PTMS: variants seen among roughly 807,000 people sequenced by gnomAD.
PTMS encodes the protein parathymosin.
In PTMS, 5 loss-of-function variants were observed where a neutral mutation model predicts 18.4. That is an observed-to-expected ratio of 0.27 (90% CI 0.14 to 0.57). The LOEUF (loss-of-function observed/expected upper bound fraction) is 0.57, where lower values mean the gene tolerates loss of function less well. PTMS is among the 20% of genes least tolerant of loss of function. PTMS has a pLI of 0.92. For synonymous variants in PTMS, 53 were observed against 47.7 expected (o/e 1.11, Z -0.46); for missense variants, 93 against 124.6 (o/e 0.75, Z 1.21).
intron 1 of PTMS, among the ~76,000 whole-genome samples, chr12:6,768,448 TGCCCCCCAGG>T (rs1941799327): frequency 6.6e-6 from 1 of 152,126 alleles, no homozygotes; most frequent in Non-Finnish European, 1.5e-5. Flanking sequence ...GGGAATTGAG[TGCCCCCCAGG>T]GCAGCCGTTC....
chr12:6,766,695 GC>G lies in PTMS; in HGVS notation c.-7del, dbSNP rs1565478936. ...CGGCTCCCCGCCAGCCCCGGCCCCGGCCCCGGCACCATGTCGGAGAAAAGCG... is the reference window on the plus strand; with the variant it reads ...CGGCTCCCCGCCAGCCCCGGCCCCGGCCCGGCACCATGTCGGAGAAAAGCG... On this transcript the variant is annotated 5_prime_UTR_variant, in exon 1 of 5. Coordinates refer to ENST00000309083, the MANE Select transcript of PTMS (RefSeq NM_002824.6). The G allele has an allele frequency of 8.0e-6, 9 of 1,127,126 alleles. No individual in the cohort carries two copies. Among genetic ancestry groups the G allele is most frequent in the Admixed American group, 4.2e-5 (1 of 23,816 alleles). The allele number at this position is 1,127,126 out of a possible 1,614,324, so 69.8% of individuals were successfully genotyped here. A position where few individuals can be genotyped will look rare whatever the true frequency, so the allele number is the denominator to read the frequency against.
In PTMS at chr12:6,770,449, G is replaced by A; in HGVS notation, c.*7G>A. ...AAATGGGGCATCGGCGTGAGCCCCT[G>A]CCAACAGGCTGGGGTTGGGAGGCCT... is the stretch of plus-strand genomic sequence containing the variant. On this transcript the variant is annotated 3_prime_UTR_variant, in exon 5 of 5. Transcript: ENST00000309083. The surrounding 1 kb of genome is among the most constrained non-coding windows in gnomAD (Gnocchi z 7.3). 1 of 1,611,998 alleles carries A rather than the reference G, an allele frequency of 6.2e-7. No homozygotes were observed. Among genetic ancestry groups the A allele is most frequent in the Non-Finnish European group, 8.5e-7 (1 of 1,179,216 alleles).
In PTMS at chr12:6,770,494, G is replaced by A; in HGVS notation, c.*52G>A. On this transcript the variant is annotated 3_prime_UTR_variant, in exon 5 of 5. Transcript: ENST00000309083. The surrounding 1 kb of genome is among the most constrained non-coding windows in gnomAD (Gnocchi z 7.3). The stretch of plus-strand genomic sequence containing the variant: ...AGGCCTCTCTGGGCCTGGAGGTGGG[G>A]GTGGGGGCAGCCAAGTCCAGCCACT... 6.3e-7 allele frequency: 1 copy of A among 1,581,700 alleles called. No homozygotes were observed. The highest frequency in any genetic ancestry group is 8.7e-7 in the Non-Finnish European group (1 of 1,151,304).
intron 1 of PTMS, among the ~76,000 whole-genome samples, chr12:6,768,896 T>G (rs1941803372): frequency 6.6e-6 from 1 of 152,108 alleles, no homozygotes; most frequent in African/African-American, 2.4e-5. Flanking sequence ...CTCCTTGTTT[T>G]CTCTTCTACT....
Position 6,766,525 on chromosome 12 carries a change from C to T in PTMS, c.-181C>T. ...CTCCAGACCCACCCCCGCCCCACCC[C>T]GCGCGCCTCTGCCGCCTCTTCCAGA... On this transcript the variant is annotated 5_prime_UTR_variant, in exon 1 of 5. Transcript: ENST00000309083. 3.8e-6 allele frequency: 1 copy of T among 261,994 alleles called. No homozygotes were observed. Among genetic ancestry groups the T allele is most frequent in the Non-Finnish European group, 7.6e-6 (1 of 131,652 alleles). The allele number at this position is 261,994 out of a possible 1,614,324, so 16.2% of individuals were successfully genotyped here.
At chr12:6,769,503 C>A in intron 1 of PTMS, 100 bp from the exon 2 acceptor site, 1 of 1,316,256 alleles carries the variant, frequency 7.6e-7, no homozygotes, top group Non-Finnish European at 1.1e-6. Context: ...ATTCAGTTCA[C>A]ACACCTCTAA....
In PTMS at chr12:6,770,149, C is replaced by T. The variant is rs1181454169; in HGVS notation, c.197-8C>T. The T allele has an allele frequency of 6.2e-7, 1 of 1,613,920 alleles. No individual in the cohort carries two copies. The highest frequency in any genetic ancestry group is 8.5e-7 in the Non-Finnish European group (1 of 1,179,952). On this transcript the variant is annotated splice_polypyrimidine_tract_variant and splice_region_variant and intron_variant, in intron 3 of 4. Transcript: ENST00000309083. This position sits in a 1 kb window ranked among gnomAD's most constrained non-coding sequence, Gnocchi z 7.3. The stretch of plus-strand genomic sequence containing the variant: ...CCCTTCCCCAATGACCCATTTCTGG[C>T]TCCTCAGATGAGGAAGAAGAAGAAG...
In PTMS at chr12:6,770,301, G is replaced by C; in HGVS notation, c.258+83G>C. 6.2e-7 allele frequency: 1 copy of C among 1,609,194 alleles called. No individual in the cohort carries two copies. Among genetic ancestry groups the C allele is most frequent in the South Asian group, 1.1e-5 (1 of 90,970 alleles). ...CCTTTGGATTTGGACCCAGATCCCT[G>C]TGTGGCAGGGGTGGGGGCTGGAACA... On this transcript the variant is annotated intron_variant, in intron 4 of 4. Coordinates refer to ENST00000309083, the MANE Select transcript of PTMS (RefSeq NM_002824.6). This position sits in a 1 kb window ranked among gnomAD's most constrained non-coding sequence, Gnocchi z 7.3.
At position 6,769,660 on chromosome 12, in the gene PTMS, A is replaced by G. The variant is rs1260621973; in HGVS notation, c.103A>G (p.Lys35Glu). 6.2e-7 allele frequency: 1 copy of G among 1,614,072 alleles called. No homozygotes were observed. The highest frequency in any genetic ancestry group is 8.5e-7 in the Non-Finnish European group (1 of 1,179,998). Reference protein sequence around the residue: ...EEKASRKERKKEVVEEEENGA... With the variant: ...EEKASRKERKEEVVEEEENGA... ...GAAGGCAAGCCGGAAAGAGCGAAAGAAAGAAGTGGTGGAGGTGTGGAGGGG... is the reference window on the plus strand; with the variant it reads ...GAAGGCAAGCCGGAAAGAGCGAAAGGAAGAAGTGGTGGAGGTGTGGAGGGG... The change falls in exon 2 of 5, where the codon AAA becomes GAA. Residue 35 changes from lysine to glutamate, a missense_variant. Transcript: ENST00000309083.
Position 6,769,657 on chromosome 12 carries a change from A to G in PTMS, c.100A>G (p.Lys34Glu), listed in dbSNP as rs1475695337. ...VEEKASRKER[K>E]KEVVEEEENG... ...GGAGAAGGCAAGCCGGAAAGAGCGAAAGAAAGAAGTGGTGGAGGTGTGGAG... is the reference window on the plus strand; with the variant it reads ...GGAGAAGGCAAGCCGGAAAGAGCGAGAGAAAGAAGTGGTGGAGGTGTGGAG... Residue 34 changes from lysine (K) to glutamate (E), a missense_variant, in exon 2 of 5, where the codon AAG (lysine) becomes GAG (glutamate). Lys to Glu is a moderately conservative substitution (Grantham distance 56, BLOSUM62 1). Coordinates refer to ENST00000309083, the MANE Select transcript of PTMS (RefSeq NM_002824.6). The G allele has an allele frequency of 2.5e-6, 4 of 1,614,054 alleles. No homozygotes were observed. Among genetic ancestry groups the G allele is most frequent in the Non-Finnish European group, 3.4e-6 (4 of 1,179,984 alleles).
chr12:6,770,575 TC>T lies in PTMS; in HGVS notation c.*137del. ...ACCAGAGCTGCCACCCTCTTCTTTC[TC>T]CCCAGCCTTCTCATTTCCGCCTCTC... On this transcript the variant is annotated 3_prime_UTR_variant, in exon 5 of 5. Coordinates refer to ENST00000309083, the MANE Select transcript of PTMS (RefSeq NM_002824.6). The surrounding 1 kb of genome is among the most constrained non-coding windows in gnomAD (Gnocchi z 7.3). 1 of 1,042,036 alleles carries T rather than the reference TC, an allele frequency of 9.6e-7. No homozygotes were observed. The highest frequency in any genetic ancestry group is 1.4e-6 in the Non-Finnish European group (1 of 694,334). The allele number at this position is 1,042,036 out of a possible 1,614,324, so 64.5% of individuals were successfully genotyped here. A position where few individuals can be genotyped will look rare whatever the true frequency, so the allele number is the denominator to read the frequency against.
rs745767749 is a variant in PTMS at position 6,769,725 on chromosome 12, C to T, written c.117+51C>T. Reference sequence around the variant, plus strand: ...ACATCTGCCCTACCATCTTCCCTCCCAATCATCTCATCCTTCCTCTGCTTT... The same window carrying T: ...ACATCTGCCCTACCATCTTCCCTCCTAATCATCTCATCCTTCCTCTGCTTT... On this transcript the variant is annotated intron_variant, in intron 2 of 4. Transcript: ENST00000309083. 5 of 1,607,418 alleles carry T rather than the reference C, an allele frequency of 3.1e-6. No individual in the cohort carries two copies. In the East Asian group the frequency reaches 8.9e-5, roughly 29 times the overall value.
At position 6,770,752 on chromosome 12, in the gene PTMS, C is replaced by G. The variant is rs1359978817; in HGVS notation, c.*310C>G. The G allele has an allele frequency of 2.1e-6, 1 of 469,376 alleles. No homozygotes were observed. Among genetic ancestry groups the G allele is most frequent in the Non-Finnish European group, 3.9e-6 (1 of 253,994 alleles). The allele number at this position is 469,376 out of a possible 1,614,324, so 29.1% of individuals were successfully genotyped here. The stretch of plus-strand genomic sequence containing the variant: ...CCTCATTCTTCCTCCGGTAGCCTCT[C>G]CCACCTAACCTCTGCATCCCCCAGC... On this transcript the variant is annotated 3_prime_UTR_variant, in exon 5 of 5. Transcript: ENST00000309083. The surrounding 1 kb of genome is among the most constrained non-coding windows in gnomAD (Gnocchi z 7.3).
chr12:6,766,443 CCG>C lies in PTMS; in HGVS notation c.-261_-260del. 1 of 209,430 alleles carries C rather than the reference CCG, an allele frequency of 4.8e-6. No homozygotes were observed. The highest frequency in any genetic ancestry group is 9.5e-6 in the Non-Finnish European group (1 of 105,120). The allele number at this position is 209,430 out of a possible 1,614,324, so 13.0% of individuals were successfully genotyped here. On this transcript the variant is annotated 5_prime_UTR_variant, in exon 1 of 5. Coordinates refer to ENST00000309083, the MANE Select transcript of PTMS (RefSeq NM_002824.6). ...CTACCGCGGCCGAGCGCGCCGGCCA[CCG>C]CCTGCACCGCCCTTCCGCCCGCCCT... is the stretch of plus-strand genomic sequence containing the variant.
chr12:6,767,949 ACGCTGGGCCATGTGTCTCCCAT>A (rs1304516551), intron 1 of PTMS, among the ~76,000 whole-genome samples: 2 of 152,290 alleles, frequency 1.3e-5, no homozygotes, highest in East Asian at 3.9e-4. Flanking sequence ...GAATGGCCCA[ACGCTGGGCCATGTGTCTCCCAT>A]CGCGTGGGTG....
At position 6,768,512 on chromosome 12, in the gene PTMS, AC is replaced by A. The variant is rs367792305; in HGVS notation, c.46-1084del. 4.9e-4 allele frequency among the ~76,000 whole-genome samples: 74 copies of A among 151,488 alleles called. No homozygotes were observed. In the East Asian group the frequency reaches 9.9e-3, roughly 20 times the overall value. ...TATCCCCTATCCTGTTCCAGAAAGG[AC>A]CCCCCCGCCCAGGGTGATCTCACAC... On this transcript the variant is annotated intron_variant, in intron 1 of 4. Transcript: ENST00000309083.
In PTMS at chr12:6,770,422, G is replaced by C; in HGVS notation, c.289G>C (p.Glu97Gln). ...AGCGGATCCCAAACGGCAGAAGACA[G>C]AAAATGGGGCATCGGCGTGAGCCCC... The part of the protein sequence containing the change: ...DEADPKRQKT[E>Q]NGASA The change falls in exon 5 of 5, where the codon GAA becomes CAA. Residue 97 changes from glutamate to glutamine, a missense_variant. Coordinates refer to ENST00000309083, the MANE Select transcript of PTMS (RefSeq NM_002824.6). This position sits in a 1 kb window ranked among gnomAD's most constrained non-coding sequence, Gnocchi z 7.3. 1.9e-6 allele frequency: 3 copies of C among 1,611,068 alleles called. No homozygotes were observed. Among genetic ancestry groups the C allele is most frequent in the Non-Finnish European group, 2.5e-6 (3 of 1,179,480 alleles).
intron 1 of PTMS, chr12:6,768,948 C>T (rs955917664): frequency 3.9e-5 from 6 of 153,298 alleles, no homozygotes; most frequent in African/African-American, 1.2e-4. Context: ...CCACTACACC[C>T]ATGCATACAC....
At chr12:6,767,605 G>GGGGC (rs1555110947) in intron 1 of PTMS, 1 of 138,164 alleles carries the variant, frequency 7.2e-6, no homozygotes, top group South Asian at 2.5e-4. Context: ...TGGCGGGGGG[G>GGGGC]GGGGGCGCGG....
Sources: allele counts gnomAD v4.1 joint callset (sites outside exome capture counted in the v4.1 genomes callset), GRCh38; gene constraint gnomAD v4.1.1; non-coding constraint Gnocchi (gnomAD v3.1); transcripts MANE v1.5; gene names NCBI Gene and HGNC (gene_info 2026-07-23, HGNC 2026-07-21).